The following INPP4B variants were observed in gnomAD, a reference collection of about 807,000 sequenced individuals.
The protein encoded by INPP4B is inositol polyphosphate 4-phosphatase type II.
INPP4B carries 55 observed loss-of-function variants against 122.5 expected under a neutral mutation model. That is an observed-to-expected ratio of 0.45 (90% CI 0.36 to 0.56). The LOEUF is 0.56. Ranked by LOEUF, INPP4B falls within the 20% of genes least tolerant of loss-of-function variation. The pLI, the probability that INPP4B is intolerant of heterozygous loss-of-function variation, is 0.00. For missense variants in INPP4B, 1,000 were observed against 1,097.7 expected, an observed-to-expected ratio of 0.91 and a Z score of 1.26; for synonymous variants, 403 against 388.7, an observed-to-expected ratio of 1.04 and a Z score of -0.43.
intron 9 of INPP4B, among the ~76,000 whole-genome samples, chr4:142,285,139 T>G (rs757460926): frequency 4.0e-5 from 6 of 151,642 alleles, no homozygotes; most frequent in Non-Finnish European, 8.8e-5. Context: ...GAAAATAGGA[T>G]GCTTAAAATT....
At chr4:142,549,486 T>C (rs1191520443) in intron 2 of INPP4B, among the ~76,000 whole-genome samples, 2 of 151,856 alleles carry the variant, frequency 1.3e-5, no homozygotes, top group Non-Finnish European at 2.9e-5. Flanking sequence ...AAGTGAGGGG[T>C]AGGTGCAGAA....
At chr4:142,828,841 C>G (rs1315123190) in intron 1 of INPP4B, among the ~76,000 whole-genome samples, 2 of 151,032 alleles carry the variant, frequency 1.3e-5, no homozygotes, top group Non-Finnish European at 2.9e-5. Context: ...AATGACTAGA[C>G]AAGTTTGAAG....
intron 7 of INPP4B, among the ~76,000 whole-genome samples, chr4:142,377,581 C>T (rs1159349575): frequency 6.6e-6 from 1 of 152,014 alleles, no homozygotes; most frequent in African/African-American, 2.4e-5. Context: ...CAAGAAGACA[C>T]AACCATAGGC....
chr4:142,440,644 C>T (rs1283883104), intron 3 of INPP4B, among the ~76,000 whole-genome samples: 1 of 152,154 alleles, frequency 6.6e-6, no homozygotes, highest in African/African-American at 2.4e-5. Context: ...GCCCGTCATT[C>T]ACTCCTTGCC....
chr4:142,669,238 G>T (rs571355479), intron 2 of INPP4B, among the ~76,000 whole-genome samples: 8 of 152,030 alleles, frequency 5.3e-5, no homozygotes, highest in Non-Finnish European at 1.2e-4. Context: ...ATTGCTCATA[G>T]TACCCAAAAG....
chr4:142,295,762 T>TTTA (rs1394631319), intron 9 of INPP4B, among the ~76,000 whole-genome samples: 1 of 151,854 alleles, frequency 6.6e-6, no homozygotes, highest in African/African-American at 2.4e-5. Flanking sequence ...CTTTTTTTTT[T>TTTA]AGAGGACTTT....
At chr4:142,290,310 G>A (rs1005040081) in intron 9 of INPP4B, among the ~76,000 whole-genome samples, 6 of 141,168 alleles carry the variant, frequency 4.3e-5, no homozygotes, top group South Asian at 2.3e-4. Flanking sequence ...AGGTTCAAGC[G>A]ATTCTCCTGC....
chr4:142,687,871 C>T (rs898072812), intron 2 of INPP4B, among the ~76,000 whole-genome samples: 1 of 152,122 alleles, frequency 6.6e-6, no homozygotes, highest in Admixed American at 6.6e-5. Flanking sequence ...ATCCAATCTC[C>T]GCCTTGTCCC....
At chr4:142,759,823 T>C (rs1293323509) in intron 1 of INPP4B, among the ~76,000 whole-genome samples, 3 of 84,736 alleles carry the variant, frequency 3.5e-5, no homozygotes, top group Non-Finnish European at 6.7e-5. Context: ...TAGAGCTTTT[T>C]CTAAAAAAAA....
intron 2 of INPP4B, among the ~76,000 whole-genome samples, chr4:142,523,739 G>A (rs986584983): frequency 1.3e-4 from 19 of 149,430 alleles, no homozygotes; most frequent in Non-Finnish European, 2.4e-4. Context: ...CATGTGCCAC[G>A]CTGGTGCGCT....
At chr4:142,552,807 C>T (rs1187769094) in intron 2 of INPP4B, among the ~76,000 whole-genome samples, 2 of 152,150 alleles carry the variant, frequency 1.3e-5, no homozygotes, top group African/African-American at 4.8e-5. Context: ...AAAACTAAAA[C>T]TCAGAGAGGG....
chr4:142,546,787 A>T (rs1330155160), intron 2 of INPP4B, among the ~76,000 whole-genome samples: 5 of 152,160 alleles, frequency 3.3e-5, no homozygotes, highest in African/African-American at 1.2e-4. Context: ...ATATTTGAGG[A>T]TGTAGTAGAA....
At chr4:142,819,204 T>A (rs981377022) in intron 1 of INPP4B, among the ~76,000 whole-genome samples, 2 of 152,152 alleles carry the variant, frequency 1.3e-5, no homozygotes, top group Non-Finnish European at 2.9e-5. Context: ...AATAAACAGC[T>A]TTAGCAGCTT....
At chr4:142,509,680 C>T (rs539958433) in intron 2 of INPP4B, among the ~76,000 whole-genome samples, 1 of 152,226 alleles carries the variant, frequency 6.6e-6, no homozygotes, top group South Asian at 2.1e-4. Flanking sequence ...CAAAAGTTAA[C>T]TAAAGATGGA....
chr4:142,590,592 A>G (rs1168482430), intron 2 of INPP4B, among the ~76,000 whole-genome samples: 2 of 152,176 alleles, frequency 1.3e-5, no homozygotes, highest in Admixed American at 6.5e-5. Context: ...AAGGGAGATT[A>G]CAGATTAGCA....
At chr4:142,516,883 C>T (rs1176650417) in intron 2 of INPP4B, among the ~76,000 whole-genome samples, 3 of 152,066 alleles carry the variant, frequency 2.0e-5, no homozygotes, top group Non-Finnish European at 2.9e-5. Context: ...CCTTCCTCTG[C>T]CCCTAATCAC....
intron 2 of INPP4B, among the ~76,000 whole-genome samples, chr4:142,491,017 CA>C (rs1821807173): frequency 6.6e-6 from 1 of 152,120 alleles, no homozygotes; most frequent in Admixed American, 6.6e-5. Context: ...AATAATACTG[CA>C]ATGAACATGG....
chr4:142,772,435 A>G (rs536067464), intron 1 of INPP4B, among the ~76,000 whole-genome samples: 2 of 152,266 alleles, frequency 1.3e-5, no homozygotes, highest in Middle Eastern at 3.4e-3. Context: ...CAACTGAACA[A>G]TCTGTGAACA....
intron 1 of INPP4B, among the ~76,000 whole-genome samples, chr4:142,803,015 C>A (rs1199864117): frequency 6.6e-6 from 1 of 151,502 alleles, no homozygotes; most frequent in Non-Finnish European, 1.5e-5. Flanking sequence ...ACTAAAAATA[C>A]AAAAATTAGC....
Sources: gnomAD v4.1 joint callset for allele counts (sites outside exome capture counted in the v4.1 genomes callset) on GRCh38, gnomAD v4.1.1 for gene constraint, MANE v1.5 for transcripts, NCBI Gene and HGNC (gene_info 2026-07-23, HGNC 2026-07-21) for gene names.